ZSCAN30: variants seen among roughly 807,000 people sequenced by gnomAD.
ZSCAN30 encodes zinc finger and SCAN domain-containing protein 30.
Under a neutral mutation model 44.3 loss-of-function variants are expected in ZSCAN30, and 37 were observed. The observed-to-expected ratio is 0.84, with a 90% confidence interval of 0.64 to 1.10. ZSCAN30 has a LOEUF of 1.10. ZSCAN30 is among the 50% of genes least tolerant of loss of function. The pLI is 0.00. For missense variants in ZSCAN30, 549 were observed against 582.6 expected (o/e 0.94, Z 0.59); for synonymous variants, 181 against 204.6 (o/e 0.88, Z 0.98).
At position 35,264,423 on chromosome 18, in the gene ZSCAN30, A is replaced by G. The variant is rs1456452221; in HGVS notation, c.-71T>C. On this transcript the variant is annotated 5_prime_UTR_variant, in exon 2 of 4. Coordinates refer to ENST00000333206, the MANE Select transcript of ZSCAN30 (RefSeq NM_001112734.4). ...GGAGATGGAGATTTGCGTCTGAGAG[A>G]TTCCTTCTGAATTCCAACTCCCCAG... The G allele has an allele frequency of 1.3e-6, 2 of 1,504,722 alleles. No individual in the cohort carries two copies. Among genetic ancestry groups the G allele is most frequent in the Non-Finnish European group, 1.8e-6 (2 of 1,117,070 alleles). The allele number at this position is 1,504,722 out of a possible 1,614,324, so 93.2% of individuals were successfully genotyped here. A position where few individuals can be genotyped will look rare whatever the true frequency, so the allele number is the denominator to read the frequency against.
intron 1 of ZSCAN30, chr18:35,282,430 C>T (rs887760945): frequency 2.0e-5 from 3 of 152,166 alleles, no homozygotes; most frequent in Admixed American, 6.5e-5. Flanking sequence ...ACTAAGTTGA[C>T]AAGGGGCAGA....
At chr18:35,266,336 A>AG (rs1260330495) in intron 1 of ZSCAN30, among the ~76,000 whole-genome samples, 2 of 152,086 alleles carry the variant, frequency 1.3e-5, no homozygotes, top group African/African-American at 4.8e-5. Context: ...GGCGTGGAGA[A>AG]GACATGGGAA....
chr18:35,264,383 C>A lies in ZSCAN30; in HGVS notation c.-31G>T. On this transcript the variant is annotated 5_prime_UTR_variant, in exon 2 of 4. Coordinates refer to ENST00000333206, the MANE Select transcript of ZSCAN30 (RefSeq NM_001112734.4). ...GCAGAGACAGTCTGAAAAGGCTGCC[C>A]AGGTGAGGCAGGGAGGAGATGGAGA... 6.3e-7 allele frequency: 1 copy of A among 1,589,614 alleles called. No homozygotes were observed. Among genetic ancestry groups the A allele is most frequent in the South Asian group, 1.1e-5 (1 of 87,654 alleles).
At chr18:35,268,812 G>A (rs1229086290) in intron 1 of ZSCAN30, 1 of 152,192 alleles carries the variant, frequency 6.6e-6, no homozygotes, top group Non-Finnish European at 1.5e-5. Context: ...CTAAGCAACC[G>A]GATTTAAAGT....
intron 1 of ZSCAN30, among the ~76,000 whole-genome samples, chr18:35,274,936 C>T (rs1213175874): frequency 6.6e-6 from 1 of 152,104 alleles, no homozygotes; most frequent in Non-Finnish European, 1.5e-5. Context: ...TTAATGTAGT[C>T]CAATTGAAAT....
rs9952339 is a variant in ZSCAN30, at chr18:35,253,309, T to C, written c.*141A>G. The C allele has an allele frequency of 9.2e-3, 5,436 of 590,972 alleles. 219 individuals are homozygous for C. The highest frequency in any genetic ancestry group is 0.091 in the African/African-American group (4,888 of 53,898). The allele number at this position is 590,972 out of a possible 1,614,324, so 36.6% of individuals were successfully genotyped here. On this transcript the variant is annotated 3_prime_UTR_variant, in exon 4 of 4. Transcript: ENST00000333206. Reference sequence around the variant, plus strand: ...ACTTCAATAATCATAACAAACATCTTTGTGTGCATGTCTTCTTATAGTACC... The same window carrying C: ...ACTTCAATAATCATAACAAACATCTCTGTGTGCATGTCTTCTTATAGTACC...
At position 35,280,292 on chromosome 18, in the gene ZSCAN30, T is replaced by G. The variant is rs531882050; in HGVS notation, c.-104+9792A>C. Among the ~76,000 whole-genome samples the G allele has an allele frequency of 1.7e-4, 19 of 109,142 alleles. No individual in the cohort carries two copies. The South Asian group carries it at 2.6e-3, about 15-fold the overall frequency. The allele number at this position is 109,142 out of a possible 152,430, so 71.6% of individuals were successfully genotyped here. ...CTTTGTCTCAAAAAAAAAAAAAAAA[T>G]AGAGAGGAGAGAGACAGAGAAGGCA... On this transcript the variant is annotated intron_variant, in intron 1 of 3. Transcript: ENST00000333206.
rs746691849 is a variant in ZSCAN30 at position 35,251,665 on chromosome 18, G to A, written c.*1785C>T. The A allele has an allele frequency of 2.6e-5, 4 of 152,170 alleles. No individual in the cohort carries two copies. The highest frequency in any genetic ancestry group is 6.6e-5 in the Admixed American group (1 of 15,262). 9.4% of individuals were successfully genotyped at this position (152,170 alleles called of 1,614,324 possible). On this transcript the variant is annotated 3_prime_UTR_variant, in exon 4 of 4. Transcript: ENST00000333206. ...CTCATGAGATTTGGCTGATTGATAA[G>A]TGCCTAGCATTTCCCCTGCACTCTC...
chr18:35,283,533 A>T (rs1015225688), intron 1 of ZSCAN30: 1 of 152,356 alleles, frequency 6.6e-6, no homozygotes, highest in Non-Finnish European at 1.5e-5. Flanking sequence ...CCAGGCGTGA[A>T]GTAGCAAGGG....
intron 1 of ZSCAN30, among the ~76,000 whole-genome samples, chr18:35,267,288 G>A (rs1260990606): frequency 4.1e-4 from 1 of 2,428 alleles, no homozygotes; most frequent in Admixed American, 8.2e-3. Context: ...CCAAAAAGGC[G>A]GGGTGGCTGA....
At chr18:35,267,556 G>A (rs970503445) in intron 1 of ZSCAN30, 19 of 152,138 alleles carry the variant, frequency 1.2e-4, no homozygotes, top group African/African-American at 4.1e-4. Context: ...GGAAGTGGGA[G>A]AGTGCCCCTC....
At chr18:35,256,760 TTTGTTG>T (rs369105451) in intron 3 of ZSCAN30, among the ~76,000 whole-genome samples, 101 of 151,536 alleles carry the variant, frequency 6.7e-4, no homozygotes, top group African/African-American at 2.1e-3. Context: ...CTCTTCTGTT[TTTGTTG>T]TTGTTGTTGT....
chr18:35,267,661 A>C (rs1274446378), intron 1 of ZSCAN30: 1 of 152,192 alleles, frequency 6.6e-6, no homozygotes, highest in East Asian at 1.9e-4. Flanking sequence ...GGCATCGCAG[A>C]GTACAAGCGG....
At chr18:35,265,688 G>A (rs1161727158) in intron 1 of ZSCAN30, among the ~76,000 whole-genome samples, 1 of 152,124 alleles carries the variant, frequency 6.6e-6, no homozygotes, top group African/African-American at 2.4e-5. Context: ...AAAGAAAAAT[G>A]GATTCTTTCA....
intron 1 of ZSCAN30, among the ~76,000 whole-genome samples, chr18:35,272,841 T>G (rs1232242308): frequency 2.6e-5 from 4 of 152,150 alleles, no homozygotes; most frequent in African/African-American, 9.7e-5. Context: ...ACAAACATGG[T>G]GGAAGGTGAA....
At chr18:35,270,537 G>A (rs566534891) in intron 1 of ZSCAN30, among the ~76,000 whole-genome samples, 1 of 152,144 alleles carries the variant, frequency 6.6e-6, no homozygotes, top group South Asian at 2.1e-4. Context: ...TCTGTCATTG[G>A]ATTTTTTAAT....
chr18:35,280,659 G>T (rs2044440774), intron 1 of ZSCAN30, among the ~76,000 whole-genome samples: 2 of 152,164 alleles, frequency 1.3e-5, no homozygotes, highest in African/African-American at 4.8e-5. Context: ...TTCAGCACTG[G>T]TTCTGAGTTT....
At chr18:35,269,783 T>C (rs2044233864) in intron 1 of ZSCAN30, 1 of 149,652 alleles carries the variant, frequency 6.7e-6, no homozygotes, top group African/African-American at 2.5e-5. Context: ...ACCCAATGAG[T>C]GAAATGAACA....
rs758084617 is a variant in ZSCAN30 at position 35,264,139 on chromosome 18, G to A, written c.214C>T (p.Leu72Phe). 1 of 1,614,100 alleles carries A rather than the reference G, an allele frequency of 6.2e-7. No homozygotes were observed. Among genetic ancestry groups the A allele is most frequent in the Admixed American group, 1.7e-5 (1 of 60,012 alleles). Residue 72 changes from leucine (L) to phenylalanine (F), a missense_variant, in exon 2 of 4, where the codon CTT (leucine) becomes TTT (phenylalanine). Coordinates refer to ENST00000333206, the MANE Select transcript of ZSCAN30 (RefSeq NM_001112734.4). ...TCCGGCCTCAACCACTGACAGCAAAGCTCTCGCAGCCGGCTCAGAGCCTCC... is the reference window on the plus strand; with the variant it reads ...TCCGGCCTCAACCACTGACAGCAAAACTCTCGCAGCCGGCTCAGAGCCTCC... ...PREALSRLRE[L>F]CCQWLRPEVH... is the part of the protein sequence containing the mutation.
Sources: gnomAD v4.1 joint callset for allele counts (sites outside exome capture counted in the v4.1 genomes callset) on GRCh38, gnomAD v4.1.1 for gene constraint, MANE v1.5 for transcripts, NCBI Gene and HGNC (gene_info 2026-07-23, HGNC 2026-07-21) for gene names.